PAN3: variants seen among roughly 807,000 people sequenced by gnomAD.
PAN3 encodes the protein PAN2-PAN3 deadenylation complex subunit PAN3.
In PAN3, 19 loss-of-function variants were observed where a neutral mutation model predicts 96.2. That is an observed-to-expected ratio of 0.20 (90% CI 0.14 to 0.29). The LOEUF (loss-of-function observed/expected upper bound fraction) is 0.29. Among genes scored for constraint, PAN3 ranks in the 10% least tolerant of loss-of-function variants. The pLI is 1.00. For synonymous variants in PAN3, 433 were observed against 406.6 expected, an observed-to-expected ratio of 1.06 and a Z score of -0.78; for missense variants, 882 against 1,108.1, an observed-to-expected ratio of 0.80 and a Z score of 2.90.
intron 12 of PAN3, among the ~76,000 whole-genome samples, chr13:28,270,236 A>T: frequency 6.6e-6 from 1 of 152,228 alleles, no homozygotes; most frequent in East Asian, 1.9e-4. Context: ...CCTGAGTGAT[A>T]TAAGGAAAAC....
intron 1 of PAN3, among the ~76,000 whole-genome samples, chr13:28,142,511 A>ATTTTTTTTTT (rs74881179): frequency 0.015 from 1,914 of 126,396 alleles, 38 homozygotes; most frequent in South Asian, 0.022. Flanking sequence ...ATAGATGGCA[A>ATTTTTTTTTT]TTTTTTTTTT....
At chr13:28,268,965 A>G (rs1431418441) in intron 12 of PAN3, among the ~76,000 whole-genome samples, 1 of 152,168 alleles carries the variant, frequency 6.6e-6, no homozygotes, top group Non-Finnish European at 1.5e-5. Flanking sequence ...GATGTGGTAC[A>G]ACTATTCTTA....
intron 5 of PAN3, among the ~76,000 whole-genome samples, chr13:28,214,071 A>G (rs1254966186): frequency 6.6e-6 from 1 of 152,180 alleles, no homozygotes; most frequent in Non-Finnish European, 1.5e-5. Flanking sequence ...CTGGGTGACA[A>G]AGCAATACCC....
intron 10 of PAN3, 61 bp downstream of exon 10, chr13:28,266,937 C>T: frequency 7.4e-7 from 1 of 1,348,752 alleles, no homozygotes; most frequent in South Asian, 1.8e-5. Context: ...TTATTCAAAC[C>T]TTCTTGAATA....
At chr13:28,140,136 A>G (rs1869505266) in intron 1 of PAN3, among the ~76,000 whole-genome samples, 2 of 151,966 alleles carry the variant, frequency 1.3e-5, no homozygotes, top group African/African-American at 4.8e-5. Flanking sequence ...TTTAGTTGAG[A>G]TAGTAGTCTC....
At chr13:28,186,493 A>G (rs1566168469) in intron 4 of PAN3, among the ~76,000 whole-genome samples, 1 of 152,196 alleles carries the variant, frequency 6.6e-6, no homozygotes. Flanking sequence ...AATGCCTTGT[A>G]CTTGTCAAAT....
At chr13:28,259,930 G>A (rs530075549) in intron 7 of PAN3, among the ~76,000 whole-genome samples, 12 of 152,114 alleles carry the variant, frequency 7.9e-5, no homozygotes, top group Admixed American at 2.6e-4. Flanking sequence ...GAGCCACTGC[G>A]CCTGGCCGAA....
At chr13:28,270,019 G>T (rs3764094) in intron 12 of PAN3, among the ~76,000 whole-genome samples, 20,505 of 152,042 alleles carry the variant, frequency 0.13, 1,609 homozygotes, top group East Asian at 0.33. Flanking sequence ...TTTGAGCCCA[G>T]GAGTTGGAGA....
chr13:28,283,803 A>G (rs1476264041), intron 17 of PAN3, among the ~76,000 whole-genome samples: 2 of 152,200 alleles, frequency 1.3e-5, no homozygotes, highest in East Asian at 1.9e-4. Context: ...TGCGTAATTA[A>G]TAAGTATATG....
chr13:28,175,702 T>C (rs1227309978), intron 2 of PAN3, among the ~76,000 whole-genome samples: 1 of 152,260 alleles, frequency 6.6e-6, no homozygotes, highest in Non-Finnish European at 1.5e-5. Flanking sequence ...GAAATGGTTA[T>C]GTTTTATGAA....
chr13:28,167,677 A>C lies in PAN3; in HGVS notation c.431-6595A>C, dbSNP rs556993573. The stretch of plus-strand genomic sequence containing the variant: ...TATGGTGAAACCCTGTCTCTACAAA[A>C]AAAAAAAAAAAAAAAAATTAGCTGG... On this transcript the variant is annotated intron_variant, in intron 1 of 18. Coordinates refer to ENST00000380958, the MANE Select transcript of PAN3 (RefSeq NM_175854.8). Among the ~76,000 whole-genome samples the C allele has an allele frequency of 2.4e-3, 367 of 150,686 alleles. 2 individuals carry two copies. The highest frequency in any genetic ancestry group is 8.5e-3 in the African/African-American group (347 of 41,036).
intron 5 of PAN3, among the ~76,000 whole-genome samples, chr13:28,201,700 G>A (rs1286876): frequency 6.6e-6 from 1 of 151,814 alleles, no homozygotes; most frequent in Non-Finnish European, 1.5e-5. Flanking sequence ...ACAACTGCCT[G>A]TCTTTGTACT....
intron 6 of PAN3, among the ~76,000 whole-genome samples, chr13:28,229,432 T>C (rs1432880765): frequency 6.6e-6 from 1 of 152,202 alleles, no homozygotes; most frequent in African/African-American, 2.4e-5. Context: ...TATAATCTTA[T>C]TTATTGATGA....
At chr13:28,193,736 TAAAA>T (rs35597675) in intron 4 of PAN3, among the ~76,000 whole-genome samples, 7 of 108,186 alleles carry the variant, frequency 6.5e-5, no homozygotes, top group Non-Finnish European at 1.1e-4. Flanking sequence ...GACCCTGACT[TAAAA>T]AAAAAAAAAA....
chr13:28,270,672 G>A, intron 12 of PAN3, 29 bp from the exon 13 acceptor site: 3 of 1,595,684 alleles, frequency 1.9e-6, no homozygotes, highest in South Asian at 1.1e-5. Flanking sequence ...TACTTAAGAT[G>A]TCATTTTTTG....
intron 1 of PAN3, among the ~76,000 whole-genome samples, chr13:28,143,566 T>C (rs1870166526): frequency 6.6e-6 from 1 of 152,252 alleles, no homozygotes; most frequent in Non-Finnish European, 1.5e-5. Context: ...GCTCTTTGAC[T>C]AGCTTTGTGA....
At chr13:28,238,605 T>C (rs1883315026) in intron 6 of PAN3, among the ~76,000 whole-genome samples, 1 of 152,196 alleles carries the variant, frequency 6.6e-6, no homozygotes, top group South Asian at 2.1e-4. Context: ...AGATTTTCAT[T>C]TGATTAATTA....
At chr13:28,174,418 G>A (rs367611057) in intron 2 of PAN3, 25 bp downstream of exon 2, 30 of 1,607,200 alleles carry the variant, frequency 1.9e-5, no homozygotes, top group Non-Finnish European at 2.4e-5. Flanking sequence ...AATTCATATT[G>A]CACTATGAAG....
intron 5 of PAN3, among the ~76,000 whole-genome samples, chr13:28,213,385 T>C (rs913494075): frequency 3.3e-5 from 5 of 152,070 alleles, no homozygotes; most frequent in Admixed American, 2.6e-4. Context: ...AGCTGATTTC[T>C]CACTGGAAAT....
Sources: gnomAD v4.1 joint callset for allele counts (sites outside exome capture counted in the v4.1 genomes callset) on GRCh38, gnomAD v4.1.1 for gene constraint, MANE v1.5 for transcripts, NCBI Gene and HGNC (gene_info 2026-07-23, HGNC 2026-07-21) for gene names.